The following RAI1 variants were observed in gnomAD, a reference collection of about 807,000 sequenced individuals.
RAI1 encodes the protein retinoic acid-induced protein 1.
In RAI1, 9 loss-of-function variants were observed where a neutral mutation model predicts 123.8. The ratio of observed to expected loss-of-function variants is 0.07; its 90% CI spans 0.04 to 0.13. RAI1 has a LOEUF of 0.13. RAI1 is among the 10% of genes least tolerant of loss of function. The pLI, the probability that RAI1 is intolerant of heterozygous loss-of-function variation, is 1.00. For missense variants in RAI1, 2,256 were observed against 2,545.8 expected, an observed-to-expected ratio of 0.89 and a Z score of 2.45; for synonymous variants, 1,231 against 1,127.3, an observed-to-expected ratio of 1.09 and a Z score of -1.84.
chr17:17,700,543 C>G (rs984219537), intron 1 of RAI1, among the ~76,000 whole-genome samples: 55 of 152,118 alleles, frequency 3.6e-4, no homozygotes, highest in African/African-American at 1.3e-3. Flanking sequence ...TGCACCTGCC[C>G]GGGCCTGAGG....
chr17:17,794,544 C>T lies in RAI1; in HGVS notation c.1596C>T (p.Cys532=), dbSNP rs761242007. Residue 532 remains cysteine (C), a synonymous_variant, in exon 3 of 6, where the codon TGC becomes TGT. Transcript: ENST00000353383. ...EDPLERSFLY[C]NQARGSPARV... ...CACTGGAGCGCAGCTTCCTCTACTG[C>T]AACCAGGCCCGTGGCAGCCCTGCCA... The T allele has an allele frequency of 6.2e-7, 1 of 1,612,986 alleles. No individual in the cohort carries two copies. The highest frequency in any genetic ancestry group is 8.5e-7 in the Non-Finnish European group (1 of 1,179,996).
At chr17:17,738,011 CA>C (rs1916493130) in intron 2 of RAI1, among the ~76,000 whole-genome samples, 1 of 152,130 alleles carries the variant, frequency 6.6e-6, no homozygotes, top group African/African-American at 2.4e-5. Context: ...AGTGCCATCC[CA>C]GGGGGGCAGG....
intron 2 of RAI1, among the ~76,000 whole-genome samples, chr17:17,748,962 C>T (rs1001517906): frequency 1.3e-5 from 2 of 152,188 alleles, no homozygotes; most frequent in Non-Finnish European, 2.9e-5. Context: ...CAAAGAACTG[C>T]TGCATCTGTT....
At chr17:17,686,916 C>A (rs1011854045) in intron 1 of RAI1, among the ~76,000 whole-genome samples, 1 of 152,138 alleles carries the variant, frequency 6.6e-6, no homozygotes, top group African/African-American at 2.4e-5. Flanking sequence ...TGGCCCCAGA[C>A]AGGAGCAAGC....
intron 1 of RAI1, among the ~76,000 whole-genome samples, chr17:17,696,162 C>T (rs1025161411): frequency 2.0e-5 from 3 of 152,100 alleles, no homozygotes; most frequent in African/African-American, 2.4e-5. Flanking sequence ...ATAATTCCAC[C>T]AGCAGTATAT....
intron 2 of RAI1, among the ~76,000 whole-genome samples, chr17:17,728,208 C>G (rs1916156626): frequency 6.6e-6 from 1 of 151,848 alleles, no homozygotes; most frequent in African/African-American, 2.4e-5. Flanking sequence ...CTGTTTCCTC[C>G]TAATGGCCCC....
intron 1 of RAI1, among the ~76,000 whole-genome samples, chr17:17,695,403 C>G (rs1408137354): frequency 6.6e-6 from 1 of 152,162 alleles, no homozygotes; most frequent in African/African-American, 2.4e-5. Context: ...GGCACCCCGC[C>G]TGCCCTGGGG....
At chr17:17,707,547 A>C (rs370725314) in intron 1 of RAI1, among the ~76,000 whole-genome samples, 89 of 152,208 alleles carry the variant, frequency 5.8e-4, no homozygotes, top group Middle Eastern at 3.4e-3. Context: ...ACAGCAGGGG[A>C]GCCACTGTGG....
intron 1 of RAI1, among the ~76,000 whole-genome samples, chr17:17,721,931 A>T (rs1214049453): frequency 2.0e-5 from 3 of 152,122 alleles, no homozygotes; most frequent in African/African-American, 7.2e-5. Context: ...CTGGCATGTA[A>T]TGATGGGCAG....
intron 2 of RAI1, among the ~76,000 whole-genome samples, chr17:17,784,887 C>G (rs1172784171): frequency 6.6e-6 from 1 of 152,150 alleles, no homozygotes; most frequent in Non-Finnish European, 1.5e-5. Flanking sequence ...GCAGGGGTCC[C>G]CATTTGCTCT....
Position 17,685,979 on chromosome 17 carries a change from C to T in RAI1, c.-149+4186C>T, listed in dbSNP as rs1914613857. Among the ~76,000 whole-genome samples, 1 of 152,238 alleles carries T rather than the reference C, an allele frequency of 6.6e-6. No individual in the cohort carries two copies. Among genetic ancestry groups the T allele is most frequent in the South Asian group, 2.1e-4 (1 of 4,836 alleles). On this transcript the variant is annotated intron_variant, in intron 1 of 5. Transcript: ENST00000353383. The surrounding 1 kb of genome is among the most constrained non-coding windows in gnomAD (Gnocchi z 4.0). ...ACGTCCTGTCTCCTCCTCCTCTGAC[C>T]TCCGAGGCAGAATGAGTCATCTCCC...
intron 2 of RAI1, among the ~76,000 whole-genome samples, chr17:17,787,578 G>C (rs149755227): frequency 6.6e-6 from 1 of 152,348 alleles, no homozygotes; most frequent in East Asian, 1.9e-4. Context: ...GGAATCCCAT[G>C]TTGCTCCCCC....
chr17:17,763,953 C>T (rs2030813269), intron 2 of RAI1, among the ~76,000 whole-genome samples: 1 of 152,234 alleles, frequency 6.6e-6, no homozygotes, highest in South Asian at 2.1e-4. Flanking sequence ...TTTCGTGGCA[C>T]AGAGGGAGAG....
Position 17,795,577 on chromosome 17 carries a change from C to T in RAI1, c.2629C>T (p.Leu877Phe), listed in dbSNP as rs2032206108. ...GGAGGAGTACTCCTCCCTATGTGAG[C>T]TCCTGGGCAGCCCCGAGCAGAGGCC... ...AEEEYSSLCE[L>F]LGSPEQRPGM... Residue 877 changes from leucine to phenylalanine, a missense_variant, in exon 3 of 6, where the codon CTC becomes TTC. Leu to Phe is a conservative substitution (Grantham distance 22). This residue lies in a region of RAI1 where 566 missense variants were observed against 616.0 expected (regional missense o/e 0.92). Transcript: ENST00000353383. The surrounding 1 kb of genome is among the most constrained non-coding windows in gnomAD (Gnocchi z 5.9). 2 of 1,611,876 alleles carry T rather than the reference C, an allele frequency of 1.2e-6. No individual in the cohort carries two copies. The highest frequency in any genetic ancestry group is 4.5e-5 in the East Asian group (2 of 44,810).
At chr17:17,790,810 G>A (rs1251857991) in intron 2 of RAI1, among the ~76,000 whole-genome samples, 4 of 152,126 alleles carry the variant, frequency 2.6e-5, no homozygotes, top group African/African-American at 4.8e-5. Flanking sequence ...GGCAGGGAGC[G>A]GGCGCTGTGC....
In RAI1 at chr17:17,793,270, T is replaced by G; in HGVS notation, c.322T>G (p.Tyr108Asp). 5 of 1,612,200 alleles carry G rather than the reference T, an allele frequency of 3.1e-6. No individual in the cohort carries two copies. The highest frequency in any genetic ancestry group is 4.2e-6 in the Non-Finnish European group (5 of 1,179,682). The change falls in exon 3 of 6, where the codon TAC becomes GAC. Residue 108 changes from tyrosine (Y) to aspartate (D), a missense_variant. Physicochemically the swap from Tyr to Asp is radical, Grantham distance 160. This residue lies in a region of RAI1 where 336 missense variants were observed against 349.8 expected (regional missense o/e 0.96). Transcript: ENST00000353383. ...PGYGVQDSSP[Y>D]PGRYAGEESL... The stretch of plus-strand genomic sequence containing the variant: ...CTACGGCGTCCAGGACAGCAGCCCC[T>G]ACCCAGGCCGCTATGCTGGTGAGGA...
Position 17,811,396 on chromosome 17 carries a change from G to T in RAI1, c.*1415G>T. ...TCCTTAAGAGTAAAAAACAGTCATT[G>T]CATTCAGAAAAAAAAAAAAAAAAAA... On this transcript the variant is annotated 3_prime_UTR_variant, in exon 6 of 6. Transcript: ENST00000353383. 1 of 170,742 alleles carries T rather than the reference G, an allele frequency of 5.9e-6. No homozygotes were observed. Among genetic ancestry groups the T allele is most frequent in the Non-Finnish European group, 1.0e-5 (1 of 96,250 alleles). 10.6% of individuals were successfully genotyped at this position (170,742 alleles called of 1,614,324 possible). A position where few individuals can be genotyped will look rare whatever the true frequency, so the allele number is the denominator to read the frequency against.
In RAI1 at chr17:17,809,870, C is replaced by T; in HGVS notation, c.5710-100C>T. On this transcript the variant is annotated intron_variant, in intron 5 of 5. Transcript: ENST00000353383. This position sits in a 1 kb window ranked among gnomAD's most constrained non-coding sequence, Gnocchi z 4.9. ...GACCCCAGCCGCGCTCTGGGGTCGC[C>T]TGGGTCTGGGGCTTAGGCGGGGGGC... 6.5e-7 allele frequency: 1 copy of T among 1,527,698 alleles called. No homozygotes were observed. Among genetic ancestry groups the T allele is most frequent in the Non-Finnish European group, 8.8e-7 (1 of 1,130,520 alleles). The allele number at this position is 1,527,698 out of a possible 1,614,324, so 94.6% of individuals were successfully genotyped here. A position where few individuals can be genotyped will look rare whatever the true frequency, so the allele number is the denominator to read the frequency against.
chr17:17,732,053 G>C (rs1013917065), intron 2 of RAI1, among the ~76,000 whole-genome samples: 1 of 151,944 alleles, frequency 6.6e-6, no homozygotes, highest in Non-Finnish European at 1.5e-5. Flanking sequence ...GCTTCCTCTC[G>C]GTGAGGCCTC....
Sources: allele counts gnomAD v4.1 joint callset (sites outside exome capture counted in the v4.1 genomes callset), GRCh38; gene constraint gnomAD v4.1.1; regional missense constraint gnomAD v4.1.1; non-coding constraint Gnocchi (gnomAD v3.1); transcripts MANE v1.5; gene names NCBI Gene and HGNC (gene_info 2026-07-23, HGNC 2026-07-21).